RGS12: variants seen among roughly 807,000 people sequenced by gnomAD.
The protein encoded by RGS12 is regulator of G protein signaling 12, also known as regulator of G-protein signaling 12.
Under a neutral mutation model 120.1 loss-of-function variants are expected in RGS12, and 66 were observed. That is an observed-to-expected ratio of 0.55 (90% confidence interval 0.45 to 0.67). The LOEUF is 0.67. Among genes scored for constraint, RGS12 ranks in the 30% least tolerant of loss-of-function variants. The pLI is 0.00. For missense variants in RGS12, 1,859 were observed against 1,957.7 expected, an observed-to-expected ratio of 0.95 and a Z score of 0.95; for synonymous variants, 827 against 804.7, an observed-to-expected ratio of 1.03 and a Z score of -0.47.
At chr4:3,439,150 C>T (rs1181847722) in intron 17 of RGS12, among the ~76,000 whole-genome samples, 13 of 151,410 alleles carry the variant, frequency 8.6e-5, no homozygotes, top group African/African-American at 1.7e-4. Flanking sequence ...GGGGCTCTGC[C>T]GGGGGCCCAG....
intron 12 of RGS12, 95 bp downstream of exon 12, chr4:3,423,073 G>T: frequency 9.8e-7 from 1 of 1,015,262 alleles, no homozygotes. Flanking sequence ...GGCGGCCTGT[G>T]GATGCTCCAT....
chr4:3,312,934 T>TA (rs1724499223), intron 1 of RGS12: 1 of 152,952 alleles, frequency 6.5e-6, no homozygotes, highest in Non-Finnish European at 1.5e-5. Context: ...AAAAAATAGT[T>TA]AGCCGAGTAT....
chr4:3,425,397 G>A, intron 13 of RGS12, 67 bp from the exon 14 acceptor site: 1 of 1,389,932 alleles, frequency 7.2e-7, no homozygotes, highest in Non-Finnish European at 1.0e-6. Flanking sequence ...AGTCGGGTGG[G>A]ATCACACACA....
intron 4 of RGS12, among the ~76,000 whole-genome samples, chr4:3,395,993 C>T (rs1187199506): frequency 6.6e-6 from 1 of 152,160 alleles, no homozygotes; most frequent in Non-Finnish European, 1.5e-5. Context: ...TTCTAGATTA[C>T]TGATAACAGC....
In RGS12 at chr4:3,317,391, C is replaced by T. The variant is rs372019148; in HGVS notation, c.1221C>T (p.Asp407=). The stretch of plus-strand genomic sequence containing the variant: ...GCATGCGGGCCCGCGCCTTTCTGGA[C>T]GGGGACGCCGATGCCCACCAGAACA... The part of the protein sequence containing the change: ...IEGMRARAFL[D]GDADAHQNNS... The change falls in exon 2 of 18, where the codon GAC becomes GAT. Residue 407 remains aspartate (D), a synonymous_variant. Coordinates refer to ENST00000336727, the MANE Select transcript of RGS12 (RefSeq NM_001394154.1). The T allele has an allele frequency of 1.9e-5, 31 of 1,613,950 alleles. 1 individual carries two copies. Among genetic ancestry groups the T allele is most frequent in the Admixed American group, 3.3e-5 (2 of 60,010 alleles).
At chr4:3,312,881 A>G (rs1164591367) in intron 1 of RGS12, 1 of 168,760 alleles carries the variant, frequency 5.9e-6, no homozygotes, top group Non-Finnish European at 1.4e-5. Flanking sequence ...TTTATATTAG[A>G]TACGTGACTT....
At position 3,361,531 on chromosome 4, in the gene RGS12, C is replaced by T. The variant is rs144969348; in HGVS notation, c.1998+18478C>T. Reference sequence around the variant, plus strand: ...AGCAAGATGGGGCCTGGGACCTGGGCGCATGAGCAGAAATGGCGAGGGGCA... The same window carrying T: ...AGCAAGATGGGGCCTGGGACCTGGGTGCATGAGCAGAAATGGCGAGGGGCA... On this transcript the variant is annotated intron_variant, in intron 3 of 17. Coordinates refer to ENST00000336727, the MANE Select transcript of RGS12 (RefSeq NM_001394154.1). Among the ~76,000 whole-genome samples, 566 of 152,090 alleles carry T rather than the reference C, an allele frequency of 3.7e-3. 4 individuals are homozygous for T. The highest frequency in any genetic ancestry group is 0.013 in the African/African-American group (549 of 41,462).
chr4:3,315,424 C>T (rs1404789877), intron 1 of RGS12, among the ~76,000 whole-genome samples: 1 of 152,164 alleles, frequency 6.6e-6, no homozygotes, highest in Non-Finnish European at 1.5e-5. Flanking sequence ...TTTTATCTAG[C>T]CTGTTGAGTG....
intron 4 of RGS12, 22 bp downstream of exon 4, chr4:3,386,459 A>C (rs775361867): frequency 6.3e-7 from 1 of 1,594,048 alleles, no homozygotes; most frequent in Non-Finnish European, 8.6e-7. Context: ...TTTCTGATGT[A>C]TATATTTTTT....
At position 3,433,933 on chromosome 4, in the gene RGS12, G is replaced by A. The variant is rs1724576508; in HGVS notation, c.4114+2978G>A. On this transcript the variant is annotated intron_variant, in intron 17 of 17. Transcript: ENST00000336727. The surrounding 1 kb of genome is among the most constrained non-coding windows in gnomAD (Gnocchi z 4.4). ...CCCAGTCTAATGGCCCTGAGCCTTA[G>A]CTGTCTGACACACACAACAGAGGCC... Among the ~76,000 whole-genome samples the A allele has an allele frequency of 6.6e-6, 1 of 152,220 alleles. No individual in the cohort carries two copies. Among genetic ancestry groups the A allele is most frequent in the African/African-American group, 2.4e-5 (1 of 41,462 alleles).
rs932704432 is a variant in RGS12 at position 3,366,811 on chromosome 4, C to T, written c.1999-19605C>T. On this transcript the variant is annotated intron_variant, in intron 3 of 17. Coordinates refer to ENST00000336727, the MANE Select transcript of RGS12 (RefSeq NM_001394154.1). This position sits in a 1 kb window ranked among gnomAD's most constrained non-coding sequence, Gnocchi z 4.0. ...GGAGACAGGTGAGTCTGTAAGGAGG[C>T]CCAGAGTCAAGGAGGAGCTCTTTGG... Among the ~76,000 whole-genome samples, 3 of 152,122 alleles carry T rather than the reference C, an allele frequency of 2.0e-5. No individual in the cohort carries two copies. Among genetic ancestry groups the T allele is most frequent in the African/African-American group, 7.2e-5 (3 of 41,430 alleles).
rs12640721 is a variant in RGS12, at chr4:3,372,448, A to G, written c.1999-13968A>G. ...AGGCCCTGCTGGCGCACGGCTGGAC[A>G]AGCATGACAGTTGTCGCGGAGCCGC... On this transcript the variant is annotated intron_variant, in intron 3 of 17. Coordinates refer to ENST00000336727, the MANE Select transcript of RGS12 (RefSeq NM_001394154.1). The surrounding 1 kb of genome is among the most constrained non-coding windows in gnomAD (Gnocchi z 4.3). 0.27 allele frequency among the ~76,000 whole-genome samples: 40,640 copies of G among 152,256 alleles called. 5,568 individuals are homozygous for G. The highest frequency in any genetic ancestry group is 0.36 in the Middle Eastern group (106 of 294).
At chr4:3,292,212 G>C (rs1319667803), upstream of RGS12, among the ~76,000 whole-genome samples, 3 of 152,214 alleles carry the variant, frequency 2.0e-5, no homozygotes, top group South Asian at 6.2e-4. Flanking sequence ...CGAAGAGGGC[G>C]AGGAAGGAAC....
chr4:3,437,851 C>T (rs887008111), intron 17 of RGS12, among the ~76,000 whole-genome samples: 8 of 152,154 alleles, frequency 5.3e-5, no homozygotes, highest in South Asian at 2.1e-4. Context: ...GGGCTGGGCA[C>T]GCTCAAGAGG....
chr4:3,363,579 T>C (rs145227652), intron 3 of RGS12, among the ~76,000 whole-genome samples: 1 of 152,100 alleles, frequency 6.6e-6, no homozygotes, highest in African/African-American at 2.4e-5. Context: ...GAGAATCTGC[T>C]TGGGAAACCA....
chr4:3,358,232 T>G (rs986602978), intron 3 of RGS12, among the ~76,000 whole-genome samples: 4 of 151,380 alleles, frequency 2.6e-5, no homozygotes, highest in Admixed American at 2.0e-4. Flanking sequence ...CTCTAGTAGG[T>G]TTTTTTTTGG....
chr4:3,419,583 G>A (rs915977822), intron 9 of RGS12: 1 of 152,146 alleles, frequency 6.6e-6, no homozygotes, highest in Non-Finnish European at 1.5e-5. Flanking sequence ...GCGGTGGGGC[G>A]AGGTGTGAGG....
chr4:3,365,256 C>T lies in RGS12; in HGVS notation c.1999-21160C>T, dbSNP rs980156669. Reference sequence around the variant, plus strand: ...GAGTCTCCCTGGGCTGCAGTTCCGTCTGCTGTTTTCATGCTACAGCGGCAG... The same window carrying T: ...GAGTCTCCCTGGGCTGCAGTTCCGTTTGCTGTTTTCATGCTACAGCGGCAG... On this transcript the variant is annotated intron_variant, in intron 3 of 17. Coordinates refer to ENST00000336727, the MANE Select transcript of RGS12 (RefSeq NM_001394154.1). This position sits in a 1 kb window ranked among gnomAD's most constrained non-coding sequence, Gnocchi z 4.0. 6.6e-6 allele frequency among the ~76,000 whole-genome samples: 1 copy of T among 152,182 alleles called. No homozygotes were observed. Among genetic ancestry groups the T allele is most frequent in the African/African-American group, 2.4e-5 (1 of 41,442 alleles).
rs574901888 is a variant in RGS12, at chr4:3,380,950, G to A, written c.1999-5466G>A. Among the ~76,000 whole-genome samples the A allele has an allele frequency of 8.5e-5, 13 of 152,270 alleles. No homozygotes were observed. The South Asian group carries it at 1.7e-3, about 19-fold the overall frequency. ...TGCAGCAGGCTTGAATTTCTCCCCA[G>A]AAAATTTTTTCTTCTTTTCTGTCAC... On this transcript the variant is annotated intron_variant, in intron 3 of 17. Coordinates refer to ENST00000336727, the MANE Select transcript of RGS12 (RefSeq NM_001394154.1).
Sources: allele counts gnomAD v4.1 joint callset (sites outside exome capture counted in the v4.1 genomes callset), GRCh38; gene constraint gnomAD v4.1.1; non-coding constraint Gnocchi (gnomAD v3.1); transcripts MANE v1.5; gene names NCBI Gene and HGNC (gene_info 2026-07-23, HGNC 2026-07-21).